Variants in PHACTR2 observed in about 807,000 individuals in gnomAD.
PHACTR2 encodes the protein phosphatase and actin regulator 2.
In PHACTR2, 30 loss-of-function variants were observed where a neutral mutation model predicts 76.0. That is an observed-to-expected ratio of 0.39 (90% CI 0.30 to 0.54). The LOEUF is 0.54. PHACTR2 is among the 20% of genes least tolerant of loss of function. The pLI, the probability that PHACTR2 is intolerant of heterozygous loss-of-function variation, is 0.61. For missense variants in PHACTR2, 696 were observed against 781.1 expected (o/e 0.89, Z 1.30); for synonymous variants, 292 against 292.5 (o/e 1.00, Z 0.02).
In PHACTR2 at chr6:143,757,696, AT is replaced by A. The variant is rs1382658878; in HGVS notation, c.455-2704del. On this transcript the variant is annotated intron_variant, in intron 4 of 12. Coordinates refer to ENST00000440869, the MANE Select transcript of PHACTR2 (RefSeq NM_001100164.2). This position sits in a 1 kb window ranked among gnomAD's most constrained non-coding sequence, Gnocchi z 4.2. ...CTCCTATATGCCATCAGTTTATATCATGTCTTCAGATCACATGGTAAGTGTA... is the reference window on the plus strand; with the variant it reads ...CTCCTATATGCCATCAGTTTATATCAGTCTTCAGATCACATGGTAAGTGTA... Among the ~76,000 whole-genome samples, 1 of 152,152 alleles carries A rather than the reference AT, an allele frequency of 6.6e-6. No homozygotes were observed. The highest frequency in any genetic ancestry group is 6.5e-5 in the Admixed American group (1 of 15,284).
In PHACTR2 at chr6:143,598,925, G is replaced by C. The variant is rs114035565; in HGVS notation, c.217+61718G>C. Among the ~76,000 whole-genome samples the C allele has an allele frequency of 6.6e-6, 1 of 152,262 alleles. No homozygotes were observed. The highest frequency in any genetic ancestry group is 2.4e-5 in the African/African-American group (1 of 41,558). ...TGTTATCTGTTCCAGGTTTAGTGGC[G>C]TGAATAGTAAACATAGTAGATTAGT... is the stretch of plus-strand genomic sequence containing the variant. On this transcript the variant is annotated intron_variant, in intron 1 of 11. Coordinates refer to the PHACTR2 transcript ENST00000367584. The surrounding 1 kb of genome is among the most constrained non-coding windows in gnomAD (Gnocchi z 4.1).
At position 143,541,950 on chromosome 6, in the gene PHACTR2, G is replaced by C; in HGVS notation, c.217+4743G>C. The stretch of plus-strand genomic sequence containing the variant: ...CAAGAGGCTTCTGAGCCCCAGCCAC[G>C]AGCTAAGCTGGAGGTGCCCTAGGCC... On this transcript the variant is annotated intron_variant, in intron 1 of 11. Coordinates refer to the PHACTR2 transcript ENST00000367584. The surrounding 1 kb of genome is among the most constrained non-coding windows in gnomAD (Gnocchi z 5.3). Among the ~76,000 whole-genome samples, 1 of 152,208 alleles carries C rather than the reference G, an allele frequency of 6.6e-6. No homozygotes were observed. Among genetic ancestry groups the C allele is most frequent in the East Asian group, 1.9e-4 (1 of 5,194 alleles).
chr6:143,579,890 G>A (rs1775554089), intron 1 of PHACTR2, among the ~76,000 whole-genome samples: 1 of 152,146 alleles, frequency 6.6e-6, no homozygotes, highest in Non-Finnish European at 1.5e-5. Context: ...TATGCGCCAG[G>A]GCTGCAGTCA....
chr6:143,595,342 A>G lies in PHACTR2; in HGVS notation c.217+58135A>G, dbSNP rs1262987516. On this transcript the variant is annotated intron_variant, in intron 1 of 11. Transcript: ENST00000367584. This position sits in a 1 kb window ranked among gnomAD's most constrained non-coding sequence, Gnocchi z 4.2. ...TAACAGTAAAGGTAACTTTATTTCC[A>G]GCATTCGACCAAAATGCAGGGATTT... Among the ~76,000 whole-genome samples the G allele has an allele frequency of 1.3e-5, 2 of 152,224 alleles. No individual in the cohort carries two copies. Among genetic ancestry groups the G allele is most frequent in the Admixed American group, 6.5e-5 (1 of 15,284 alleles).
Position 143,659,041 on chromosome 6 carries a change from T to TA in PHACTR2, c.13+50725dup, listed in dbSNP as rs1776901834. Among the ~76,000 whole-genome samples the TA allele has an allele frequency of 6.9e-6, 1 of 145,728 alleles. No individual in the cohort carries two copies. The highest frequency in any genetic ancestry group is 1.5e-5 in the Non-Finnish European group (1 of 66,586). On this transcript the variant is annotated intron_variant, in intron 1 of 11. Transcript: ENST00000305766. The surrounding 1 kb of genome is among the most constrained non-coding windows in gnomAD (Gnocchi z 5.0). The stretch of plus-strand genomic sequence containing the variant: ...TCTGTCTCAAAAAAAAAAAAAAAGA[T>TA]AAAAAATGGCACACTTCTATAGGAC...
rs565431080 is a variant in PHACTR2 at position 143,782,132 on chromosome 6, A to T, written c.1646-1087A>T. 8.5e-4 allele frequency among the ~76,000 whole-genome samples: 129 copies of T among 152,272 alleles called. No individual in the cohort carries two copies. The highest frequency in any genetic ancestry group is 2.3e-3 in the South Asian group (11 of 4,820). ...TTCATACCTGTCATGGATTAAAAAA[A>T]TTTTTTTTAATTGAACCCGGGAAGC... On this transcript the variant is annotated intron_variant, in intron 9 of 12. Coordinates refer to ENST00000440869, the MANE Select transcript of PHACTR2 (RefSeq NM_001100164.2). The surrounding 1 kb of genome is among the most constrained non-coding windows in gnomAD (Gnocchi z 4.6).
At position 143,571,610 on chromosome 6, in the gene PHACTR2, T is replaced by C; in HGVS notation, c.217+34403T>C. On this transcript the variant is annotated intron_variant, in intron 1 of 11. Transcript: ENST00000367584. The surrounding 1 kb of genome is among the most constrained non-coding windows in gnomAD (Gnocchi z 4.6). ...AAATTTTTTTATAGAGATGAGGTCT[T>C]GCTATGTTTCCCAGGCCGGTCAATC... Among the ~76,000 whole-genome samples the C allele has an allele frequency of 6.6e-6, 1 of 152,146 alleles. No individual in the cohort carries two copies. The highest frequency in any genetic ancestry group is 6.5e-5 in the Admixed American group (1 of 15,278).
chr6:143,610,039 A>G lies in PHACTR2; in HGVS notation c.13+1717A>G, dbSNP rs1259254664. On this transcript the variant is annotated intron_variant, in intron 1 of 11. Coordinates refer to the PHACTR2 transcript ENST00000305766. This position sits in a 1 kb window ranked among gnomAD's most constrained non-coding sequence, Gnocchi z 4.9. The stretch of plus-strand genomic sequence containing the variant: ...TTTCAAATTTTAGGTGTAATCTCAA[A>G]TATAGCCATACATACCTTTGAATAG... 6.6e-6 allele frequency among the ~76,000 whole-genome samples: 1 copy of G among 152,216 alleles called. No homozygotes were observed. The highest frequency in any genetic ancestry group is 1.5e-5 in the Non-Finnish European group (1 of 68,032).
At chr6:143,779,348 C>CT (rs985719804) in intron 9 of PHACTR2, among the ~76,000 whole-genome samples, 3,073 of 138,594 alleles carry the variant, frequency 0.022, 30 homozygotes, top group African/African-American at 0.027. Context: ...ACTAGGTCAT[C>CT]TTTTTTTTTT....
intron 1 of PHACTR2, among the ~76,000 whole-genome samples, chr6:143,590,666 T>A (rs1391801526): frequency 6.6e-6 from 1 of 151,972 alleles, no homozygotes; most frequent in Non-Finnish European, 1.5e-5. Context: ...ACTCCAGGAG[T>A]TCAATGGCTT....
In PHACTR2 at chr6:143,611,423, G is replaced by A. The variant is rs1178831888; in HGVS notation, c.13+3101G>A. Among the ~76,000 whole-genome samples the A allele has an allele frequency of 6.6e-6, 1 of 152,190 alleles. No individual in the cohort carries two copies. Among genetic ancestry groups the A allele is most frequent in the Non-Finnish European group, 1.5e-5 (1 of 68,036 alleles). On this transcript the variant is annotated intron_variant, in intron 1 of 11. Transcript: ENST00000305766. This position sits in a 1 kb window ranked among gnomAD's most constrained non-coding sequence, Gnocchi z 4.4. ...CGAGAGTTATTTGGAGCCAGACTGA[G>A]GAAGGGTTTGGAGTGGAGTAGTCGA...
chr6:143,812,978 C>T (rs73778699), intron 12 of PHACTR2, among the ~76,000 whole-genome samples: 1,653 of 152,194 alleles, frequency 0.011, 25 homozygotes, highest in African/African-American at 0.038. Context: ...TACAGCTGAG[C>T]AGTAAGATTT....
chr6:143,619,949 C>T lies in PHACTR2; in HGVS notation c.13+11627C>T, dbSNP rs921597119. Reference sequence around the variant, plus strand: ...TGTGGTACTTACAGAACATGTCACTCGGTCGGGGGTGGGGGGTCAGTTCAT... The same window carrying T: ...TGTGGTACTTACAGAACATGTCACTTGGTCGGGGGTGGGGGGTCAGTTCAT... On this transcript the variant is annotated intron_variant, in intron 1 of 11. Transcript: ENST00000305766. The surrounding 1 kb of genome is among the most constrained non-coding windows in gnomAD (Gnocchi z 4.5). Among the ~76,000 whole-genome samples the T allele has an allele frequency of 2.1e-4, 21 of 98,408 alleles. No homozygotes were observed. The highest frequency in any genetic ancestry group is 5.7e-4 in the African/African-American group (17 of 29,684). The allele number at this position is 98,408 out of a possible 152,430, so 64.6% of individuals were successfully genotyped here. A position where few individuals can be genotyped will look rare whatever the true frequency, so the allele number is the denominator to read the frequency against.
chr6:143,682,714 A>G (rs894326782), intron 1 of PHACTR2, among the ~76,000 whole-genome samples: 3 of 152,152 alleles, frequency 2.0e-5, no homozygotes, highest in Non-Finnish European at 2.9e-5. Context: ...AATGTTAAGT[A>G]GAAGTGGCAG....
At chr6:143,727,523 T>C (rs1778600654) in intron 2 of PHACTR2, among the ~76,000 whole-genome samples, 1 of 148,924 alleles carries the variant, frequency 6.7e-6, no homozygotes, top group East Asian at 1.9e-4. Context: ...TTTAGTTTTT[T>C]TGAGAAACCT....
intron 1 of PHACTR2, among the ~76,000 whole-genome samples, chr6:143,559,052 AC>A (rs1775222943): frequency 1.3e-5 from 2 of 152,142 alleles, no homozygotes; most frequent in Non-Finnish European, 2.9e-5. Flanking sequence ...GACTTCTGCT[AC>A]CCATGTGGTT....
At chr6:143,655,411 CTA>C (rs1562260786) in intron 1 of PHACTR2, among the ~76,000 whole-genome samples, 1 of 151,942 alleles carries the variant, frequency 6.6e-6, no homozygotes, top group African/African-American at 2.4e-5. Flanking sequence ...TCACACAACT[CTA>C]TGAATATACT....
chr6:143,604,667 C>A (rs562817426), upstream of PHACTR2, among the ~76,000 whole-genome samples: 1 of 151,844 alleles, frequency 6.6e-6, no homozygotes, highest in African/African-American at 2.4e-5. Context: ...GGATCACCTG[C>A]GGTCAGGAGT....
Position 143,768,468 on chromosome 6 carries a change from A to G in PHACTR2, c.1232+2670A>G, listed in dbSNP as rs115801268. Among the ~76,000 whole-genome samples, 824 of 152,332 alleles carry G rather than the reference A, an allele frequency of 5.4e-3. 10 individuals are homozygous for G. Among genetic ancestry groups the G allele is most frequent in the African/African-American group, 0.018 (756 of 41,574 alleles). ...GAATTTTGGGAACTAGATTGGGTAT[A>G]CGGGATTATTGTTCAATATACTAAA... On this transcript the variant is annotated intron_variant, in intron 6 of 12. Transcript: ENST00000440869.
Sources: gnomAD v4.1 joint callset for allele counts (sites outside exome capture counted in the v4.1 genomes callset) on GRCh38, gnomAD v4.1.1 for gene constraint, Gnocchi (gnomAD v3.1) non-coding constraint, MANE v1.5 for transcripts, NCBI Gene and HGNC (gene_info 2026-07-23, HGNC 2026-07-21) for gene names.